The following KHDRBS2 variants were observed in gnomAD, a reference collection of about 807,000 sequenced individuals.
KHDRBS2 encodes KH domain-containing, RNA-binding, signal transduction-associated protein 2.
In KHDRBS2, 26 loss-of-function variants were observed where a neutral mutation model predicts 44.3. The ratio of observed to expected loss-of-function variants is 0.59; its 90% confidence interval spans 0.43 to 0.81. The LOEUF is 0.81. Among genes scored for constraint, KHDRBS2 ranks in the 40% least tolerant of loss-of-function variants. The probability of loss-of-function intolerance (pLI) is 0.00; values close to 1 mark genes in which losing one functional copy is unlikely to be tolerated. For synonymous variants in KHDRBS2, 194 were observed against 151.1 expected (o/e 1.28, Z -2.08); for missense variants, 476 against 433.1 (o/e 1.10, Z -0.88).
At chr6:61,651,455 G>T in the KHDRBS2 span, among the ~76,000 whole-genome samples, 1 of 152,038 alleles carries the variant, frequency 6.6e-6, no homozygotes, top group East Asian at 1.9e-4. Flanking sequence ...CCTACATTTT[G>T]ACTGCAACTA....
At chr6:62,115,264 T>A (rs1805946106) in intron 2 of KHDRBS2, among the ~76,000 whole-genome samples, 1 of 152,152 alleles carries the variant, frequency 6.6e-6, no homozygotes, top group South Asian at 2.1e-4. Context: ...AGGCCATACA[T>A]AAGAGCCAAA....
the KHDRBS2 span, among the ~76,000 whole-genome samples, chr6:61,595,198 A>G: frequency 1.3e-5 from 2 of 152,164 alleles, no homozygotes; most frequent in Non-Finnish European, 2.9e-5. Flanking sequence ...AACTCTTATA[A>G]TAAAGCAATC....
chr6:62,230,914 C>T (rs996999882), intron 1 of KHDRBS2, among the ~76,000 whole-genome samples: 1 of 152,034 alleles, frequency 6.6e-6, no homozygotes, highest in Non-Finnish European at 1.5e-5. Context: ...ATTCAAAATG[C>T]TATCCTAGGT....
intron 6 of KHDRBS2, among the ~76,000 whole-genome samples, chr6:61,836,254 A>C (rs1792649643): frequency 2.0e-5 from 3 of 152,014 alleles, no homozygotes; most frequent in Admixed American, 2.0e-4. Flanking sequence ...TGGCTATTCA[A>C]ACTACTCTGG....
intron 1 of KHDRBS2, among the ~76,000 whole-genome samples, chr6:62,197,115 T>C (rs1397356234): frequency 6.6e-6 from 1 of 152,274 alleles, no homozygotes; most frequent in East Asian, 1.9e-4. Flanking sequence ...TTAAATCTTC[T>C]GGAAAAATTT....
intron 1 of KHDRBS2, among the ~76,000 whole-genome samples, chr6:62,233,589 A>G (rs1422162549): frequency 6.6e-6 from 1 of 152,008 alleles, no homozygotes; most frequent in Non-Finnish European, 1.5e-5. Context: ...CATCACCTAG[A>G]TATTCAGCCT....
In KHDRBS2 at chr6:61,841,612, A is replaced by G. The variant is rs199577352; in HGVS notation, c.810+53023T>C. On this transcript the variant is annotated intron_variant, in intron 6 of 8. Transcript: ENST00000281156. Reference sequence around the variant, plus strand: ...TGTGCATTAGACTCATGTTATTTCCATATACTTTGTTAAAACAGGATTGAC... The same window carrying G: ...TGTGCATTAGACTCATGTTATTTCCGTATACTTTGTTAAAACAGGATTGAC... Among the ~76,000 whole-genome samples the G allele has an allele frequency of 1.5e-4, 23 of 152,252 alleles. No individual in the cohort carries two copies. In the East Asian group the frequency reaches 4.4e-3, roughly 29 times the overall value.
the KHDRBS2 span, among the ~76,000 whole-genome samples, chr6:61,545,173 T>C: frequency 6.6e-6 from 1 of 152,036 alleles, no homozygotes. Context: ...GGGCTGGGCA[T>C]GGTGGTTCAT....
At chr6:62,124,927 G>C (rs1156437934) in intron 2 of KHDRBS2, among the ~76,000 whole-genome samples, 1 of 152,002 alleles carries the variant, frequency 6.6e-6, no homozygotes, top group Non-Finnish European at 1.5e-5. Flanking sequence ...GTTAATAATA[G>C]CTATTCTGAC....
At chr6:61,598,837 C>CTTTTTTTTTTTTTT in the KHDRBS2 span, among the ~76,000 whole-genome samples, 8 of 65,502 alleles carry the variant, frequency 1.2e-4, no homozygotes, top group Non-Finnish European at 2.3e-4. Flanking sequence ...TTTTTCTTTT[C>CTTTTTTTTTTTTTT]TTTTTTTTTT....
chr6:61,695,010 A>G (rs1478524870), intron 8 of KHDRBS2, among the ~76,000 whole-genome samples: 1 of 151,646 alleles, frequency 6.6e-6, no homozygotes. Flanking sequence ...TTAATTATTT[A>G]CTTTTTTTCC....
intron 1 of KHDRBS2, among the ~76,000 whole-genome samples, chr6:62,193,336 A>T (rs947568230): frequency 2.0e-5 from 3 of 152,052 alleles, no homozygotes; most frequent in African/African-American, 7.2e-5. Context: ...GGAGACAGTA[A>T]ATGTAGGATA....
intron 6 of KHDRBS2, among the ~76,000 whole-genome samples, chr6:61,850,837 C>T (rs1335171610): frequency 1.3e-5 from 2 of 152,092 alleles, no homozygotes; most frequent in African/African-American, 2.4e-5. Flanking sequence ...CAGGACAACA[C>T]GAGGCCTTTA....
chr6:62,009,771 T>C (rs993210436), intron 3 of KHDRBS2, among the ~76,000 whole-genome samples: 16 of 152,144 alleles, frequency 1.1e-4, no homozygotes, highest in African/African-American at 3.4e-4. Flanking sequence ...TTCCATGTGG[T>C]GTTGGGCCTG....
chr6:61,857,834 T>C (rs1410823582), intron 6 of KHDRBS2, among the ~76,000 whole-genome samples: 1 of 151,942 alleles, frequency 6.6e-6, no homozygotes, highest in Non-Finnish European at 1.5e-5. Flanking sequence ...TATTAAAACA[T>C]AGAGTGCAAC....
intron 4 of KHDRBS2, among the ~76,000 whole-genome samples, chr6:61,966,572 C>G (rs1769989121): frequency 6.6e-6 from 1 of 151,944 alleles, no homozygotes; most frequent in Non-Finnish European, 1.5e-5. Context: ...GATCAGTGAT[C>G]TACTTGACCA....
intron 1 of KHDRBS2, among the ~76,000 whole-genome samples, chr6:62,190,589 G>T (rs1316751396): frequency 2.6e-5 from 4 of 151,934 alleles, no homozygotes; most frequent in Non-Finnish European, 5.9e-5. Flanking sequence ...CATCTTTTTA[G>T]ACACCAAGCC....
intron 1 of KHDRBS2, among the ~76,000 whole-genome samples, chr6:62,182,007 C>A (rs1161322977): frequency 2.0e-5 from 3 of 151,952 alleles, no homozygotes; most frequent in Non-Finnish European, 4.4e-5. Flanking sequence ...TAAGGGAGCT[C>A]ATTCACCCCT....
intron 2 of KHDRBS2, among the ~76,000 whole-genome samples, chr6:62,103,952 G>T (rs894913545): frequency 6.6e-6 from 1 of 152,026 alleles, no homozygotes; most frequent in African/African-American, 2.4e-5. Flanking sequence ...TTTACTATAA[G>T]AAACATAAGG....
Sources: allele counts gnomAD v4.1 joint callset (sites outside exome capture counted in the v4.1 genomes callset), GRCh38; gene constraint gnomAD v4.1.1; transcripts MANE v1.5; gene names NCBI Gene and HGNC (gene_info 2026-07-23, HGNC 2026-07-21).